The following DBX2 variants were observed in gnomAD, a reference collection of about 807,000 sequenced individuals.
The protein encoded by DBX2 is developing brain homeobox 2, also known as homeobox protein DBX2.
DBX2 carries 16 observed loss-of-function variants against 17.7 expected under a neutral mutation model. The observed-to-expected ratio is 0.90, with a 90% confidence interval of 0.61 to 1.37. The LOEUF (loss-of-function observed/expected upper bound fraction) is 1.37, where lower values mean the gene tolerates loss of function less well. DBX2 is among the 40% of genes most tolerant of loss of function. The probability of loss-of-function intolerance (pLI) is 0.00; values close to 1 mark genes in which losing one functional copy is unlikely to be tolerated. For synonymous variants in DBX2, 255 were observed against 183.8 expected (o/e 1.39, Z -3.13); for missense variants, 538 against 433.8 (o/e 1.24, Z -2.13).
At chr12:45,034,147 C>T (rs1213696269) in intron 2 of DBX2, among the ~76,000 whole-genome samples, 1 of 152,014 alleles carries the variant, frequency 6.6e-6, no homozygotes, top group South Asian at 2.1e-4. Context: ...CACACACGCA[C>T]ATGAATGTCT....
chr12:45,036,245 T>C (rs746694801), intron 1 of DBX2, 131 bp from the exon 2 acceptor site: 6 of 818,156 alleles, frequency 7.3e-6, no homozygotes, highest in Non-Finnish European at 1.1e-5. Context: ...AAAGTTATTA[T>C]AAAGTAGCCT....
At chr12:45,030,987 T>G (rs1389323263) in intron 2 of DBX2, among the ~76,000 whole-genome samples, 2 of 152,132 alleles carry the variant, frequency 1.3e-5, no homozygotes, top group Non-Finnish European at 2.9e-5. Flanking sequence ...CAGCCTCTAT[T>G]AACTATTTCC....
At chr12:45,022,754 C>G (rs548506812) in intron 3 of DBX2, among the ~76,000 whole-genome samples, 5 of 152,190 alleles carry the variant, frequency 3.3e-5, no homozygotes, top group Non-Finnish European at 7.3e-5. Context: ...AGGCCTGCAA[C>G]AGAAAACTCA....
intron 2 of DBX2, among the ~76,000 whole-genome samples, chr12:45,034,644 A>G (rs532737094): frequency 6.6e-6 from 1 of 152,220 alleles, no homozygotes; most frequent in Non-Finnish European, 1.5e-5. Context: ...CCCTGTATAC[A>G]CTCAGCTCAT....
chr12:45,041,300 C>T lies in DBX2; in HGVS notation c.404-5186G>A, dbSNP rs543604316. Among the ~76,000 whole-genome samples, 7 of 151,630 alleles carry T rather than the reference C, an allele frequency of 4.6e-5. No individual in the cohort carries two copies. In the South Asian group the frequency reaches 6.2e-4, roughly 13 times the overall value. Reference sequence around the variant, plus strand: ...AATGACCTCTTTCACATGCCAGGTACGTGGCCACTAAGAAGTCAAAAATCT... The same window carrying T: ...AATGACCTCTTTCACATGCCAGGTATGTGGCCACTAAGAAGTCAAAAATCT... On this transcript the variant is annotated intron_variant, in intron 1 of 3. Transcript: ENST00000332700.
At chr12:45,032,437 A>C (rs1267361783) in intron 2 of DBX2, among the ~76,000 whole-genome samples, 1 of 152,184 alleles carries the variant, frequency 6.6e-6, no homozygotes, top group Non-Finnish European at 1.5e-5. Flanking sequence ...TCCAGCTGAG[A>C]GTAGTAAAAG....
intron 1 of DBX2, among the ~76,000 whole-genome samples, chr12:45,044,739 C>A (rs1185946802): frequency 6.6e-6 from 1 of 152,030 alleles, no homozygotes; most frequent in Non-Finnish European, 1.5e-5. Context: ...AATTTTAGTA[C>A]CTTAAGTTGA....
chr12:45,050,142 C>T (rs1463638147), intron 1 of DBX2, among the ~76,000 whole-genome samples: 1 of 152,142 alleles, frequency 6.6e-6, no homozygotes, highest in Non-Finnish European at 1.5e-5. Flanking sequence ...GTCGTGCAGC[C>T]CGGGAAACAG....
chr12:45,031,351 T>C (rs1404537115), intron 2 of DBX2, among the ~76,000 whole-genome samples: 2 of 152,162 alleles, frequency 1.3e-5, no homozygotes, highest in East Asian at 3.8e-4. Flanking sequence ...TCTGTTTCTA[T>C]ATAATCTTGT....
intron 3 of DBX2, 124 bp downstream of exon 3, chr12:45,023,583 G>A (rs868205717): frequency 9.0e-7 from 1 of 1,112,768 alleles, no homozygotes. Flanking sequence ...TAAATAAATG[G>A]ATTCCATTGT....
chr12:45,050,362 C>T (rs1219358161), intron 1 of DBX2, among the ~76,000 whole-genome samples, 163 bp downstream of exon 1: 1 of 152,218 alleles, frequency 6.6e-6, no homozygotes, highest in African/African-American at 2.4e-5. Context: ...GCCTGGGCCC[C>T]CTACTCCCGA....
Position 45,036,015 on chromosome 12 carries a change from T to C in DBX2, c.499+4A>G, listed in dbSNP as rs983621435. 6.8e-6 allele frequency: 11 copies of C among 1,611,790 alleles called. No homozygotes were observed. Among genetic ancestry groups the C allele is most frequent in the Non-Finnish European group, 9.3e-6 (11 of 1,179,198 alleles). On this transcript the variant is annotated splice_donor_region_variant and intron_variant, in intron 2 of 3. Transcript: ENST00000332700. ...GGCATTGCTGATGAAGGATAAAAAC[T>C]TACTTGGAAAAGCAGTGGAGGATGC...
intron 1 of DBX2, among the ~76,000 whole-genome samples, chr12:45,037,393 G>A (rs922599657): frequency 2.0e-5 from 3 of 152,064 alleles, no homozygotes; most frequent in African/African-American, 7.2e-5. Context: ...ATGAACAAAT[G>A]GTCTTCCAAA....
In DBX2 at chr12:45,016,637, C is replaced by T. The variant is rs760691213; in HGVS notation, c.688-19G>A. 2.6e-6 allele frequency: 4 copies of T among 1,512,774 alleles called. No individual in the cohort carries two copies. Among genetic ancestry groups the T allele is most frequent in the South Asian group, 1.4e-5 (1 of 73,534 alleles). The allele number at this position is 1,512,774 out of a possible 1,614,324, so 93.7% of individuals were successfully genotyped here. A position where few individuals can be genotyped will look rare whatever the true frequency, so the allele number is the denominator to read the frequency against. On this transcript the variant is annotated intron_variant, in intron 3 of 3. Coordinates refer to ENST00000332700, the MANE Select transcript of DBX2 (RefSeq NM_001004329.3). The stretch of plus-strand genomic sequence containing the variant: ...TTTTCACCTATTGACAAAATAATTG[C>T]ACAAAATGATCACTTATTCCAGGTT...
intron 3 of DBX2, among the ~76,000 whole-genome samples, chr12:45,021,332 T>C (rs914538266): frequency 4.3e-4 from 65 of 152,304 alleles, no homozygotes; most frequent in African/African-American, 1.5e-3. Context: ...AACCACAAGA[T>C]GGCAAACAAA....
chr12:45,031,217 TGTGTGTGTGAGAGAGAGAGA>T (rs1476384877), intron 2 of DBX2, among the ~76,000 whole-genome samples: 19 of 105,592 alleles, frequency 1.8e-4, no homozygotes, highest in African/African-American at 5.9e-4. Context: ...TGTGTGTGTG[TGTGTGTGTGAGAGAGAGAGA>T]GAGAGAGAGA....
chr12:45,041,148 CATT>C (rs1204087121), intron 1 of DBX2, among the ~76,000 whole-genome samples: 8 of 145,762 alleles, frequency 5.5e-5, no homozygotes, highest in Admixed American at 2.7e-4. Flanking sequence ...TAAAACTAAT[CATT>C]AATAATGAAT....
chr12:45,033,427 G>C (rs1946420094), intron 2 of DBX2, among the ~76,000 whole-genome samples: 1 of 151,862 alleles, frequency 6.6e-6, no homozygotes, highest in Non-Finnish European at 1.5e-5. Context: ...ATAATACAAA[G>C]ACCTGGGCAT....
intron 2 of DBX2, among the ~76,000 whole-genome samples, chr12:45,024,289 G>A (rs1054015128): frequency 1.3e-5 from 2 of 152,178 alleles, no homozygotes; most frequent in Non-Finnish European, 2.9e-5. Context: ...ACGATTGTCA[G>A]TTTCCTAAGG....
Sources: gnomAD v4.1 joint callset for allele counts (sites outside exome capture counted in the v4.1 genomes callset) on GRCh38, gnomAD v4.1.1 for gene constraint, MANE v1.5 for transcripts, NCBI Gene and HGNC (gene_info 2026-07-23, HGNC 2026-07-21) for gene names.